The following USP43 variants were observed in gnomAD, a reference collection of about 807,000 sequenced individuals.
The protein encoded by USP43 is ubiquitin carboxyl-terminal hydrolase 43.
USP43 carries 33 observed loss-of-function variants against 90.7 expected under a neutral mutation model. The observed-to-expected ratio is 0.36, with a 90% CI of 0.28 to 0.49. USP43 has a LOEUF of 0.49. Among genes scored for constraint, USP43 ranks in the 20% least tolerant of loss-of-function variants. USP43 has a pLI of 0.98. For missense variants in USP43, 1,274 were observed against 1,476.4 expected (o/e 0.86, Z 2.25); for synonymous variants, 598 against 615.8 (o/e 0.97, Z 0.43).
At chr17:9,697,203 C>A (rs143814832) in intron 9 of USP43, among the ~76,000 whole-genome samples, 2 of 151,458 alleles carry the variant, frequency 1.3e-5, no homozygotes, top group Non-Finnish European at 2.9e-5. Flanking sequence ...GGCAACAGAG[C>A]GAGACTCTGT....
chr17:9,710,906 A>C (rs1055527817), intron 13 of USP43, among the ~76,000 whole-genome samples: 2 of 148,938 alleles, frequency 1.3e-5, no homozygotes, highest in Non-Finnish European at 3.0e-5. Flanking sequence ...AACTGTCCTT[A>C]TCTTTGGGAC....
At position 9,692,096 on chromosome 17, in the gene USP43, T is replaced by C. The variant is rs138477407; in HGVS notation, c.1354-1031T>C. On this transcript the variant is annotated intron_variant, in intron 8 of 14. Transcript: ENST00000285199. ...ATTGTAGGCTGGACGTGGTGGCTCA[T>C]GCCTGTAATCCCAGCATTTTGGGAG... Among the ~76,000 whole-genome samples the C allele has an allele frequency of 4.6e-3, 701 of 151,464 alleles. 4 individuals carry two copies. Among genetic ancestry groups the C allele is most frequent in the African/African-American group, 0.016 (663 of 41,272 alleles).
intron 13 of USP43, among the ~76,000 whole-genome samples, chr17:9,710,500 C>CTTTTTTTTT (rs753636549): frequency 1.7e-4 from 15 of 86,040 alleles, no homozygotes; most frequent in African/African-American, 2.7e-4. Context: ...GGAAAGGTAG[C>CTTTTTTTTT]TTTTTTTTTT....
chr17:9,661,253 G>A (rs1912620552), intron 2 of USP43, among the ~76,000 whole-genome samples: 1 of 152,168 alleles, frequency 6.6e-6, no homozygotes, highest in Admixed American at 6.5e-5. Flanking sequence ...ATTAAGTAGG[G>A]GATGAGGCTG....
intron 3 of USP43, among the ~76,000 whole-genome samples, chr17:9,673,568 G>A (rs1913578740): frequency 6.6e-6 from 1 of 152,170 alleles, no homozygotes; most frequent in Admixed American, 6.5e-5. Context: ...AAGTAAAGGA[G>A]TATTAAGTTT....
intron 14 of USP43, among the ~76,000 whole-genome samples, chr17:9,719,002 C>T (rs912114156): frequency 2.6e-5 from 4 of 152,210 alleles, no homozygotes; most frequent in Admixed American, 2.6e-4. Context: ...GTGGCTCATG[C>T]CTGTAATCCC....
chr17:9,664,738 C>T (rs1015922252), intron 2 of USP43, among the ~76,000 whole-genome samples: 5 of 151,318 alleles, frequency 3.3e-5, no homozygotes, highest in African/African-American at 4.9e-5. Flanking sequence ...CCCGGGGTCA[C>T]GCCATTCTCC....
rs1265656760 is a variant in USP43, at chr17:9,709,251, A to G, written c.2012-705A>G. ...TAGAAAGAGGTATGCCATAAGCCCA[A>G]TTGTGATTCTCATCTTCACTTTTAT... On this transcript the variant is annotated intron_variant, in intron 12 of 14. Coordinates refer to ENST00000285199, the MANE Select transcript of USP43 (RefSeq NM_153210.5). This position sits in a 1 kb window ranked among gnomAD's most constrained non-coding sequence, Gnocchi z 5.0. 3.3e-5 allele frequency among the ~76,000 whole-genome samples: 5 copies of G among 152,172 alleles called. No individual in the cohort carries two copies. Among genetic ancestry groups the G allele is most frequent in the African/African-American group, 1.2e-4 (5 of 41,430 alleles).
intron 9 of USP43, among the ~76,000 whole-genome samples, chr17:9,696,770 G>C (rs1262988862): frequency 6.6e-6 from 1 of 152,222 alleles, no homozygotes; most frequent in Non-Finnish European, 1.5e-5. Context: ...TTGTGAAGGT[G>C]GCCTACAAGG....
chr17:9,646,184 C>G (rs2069878282), intron 1 of USP43, 48 bp downstream of exon 1: 1 of 1,385,304 alleles, frequency 7.2e-7, no homozygotes, highest in African/African-American at 1.5e-5. Flanking sequence ...GGTTTCGCCT[C>G]TTGAAAAGTG....
rs1477787260 is a variant in USP43 at position 9,683,010 on chromosome 17, GT to G, written c.1241+53del. 2.0e-5 allele frequency: 31 copies of G among 1,587,576 alleles called. No individual in the cohort carries two copies. In the African/African-American group the frequency reaches 3.1e-4, roughly 16 times the overall value. Reference sequence around the variant, plus strand: ...TGTGGTGTCTGGGATTTGTAGACCTGTACTTGGGAGCCTGTCTAGAGTAAAA... The same window carrying G: ...TGTGGTGTCTGGGATTTGTAGACCTGACTTGGGAGCCTGTCTAGAGTAAAA... On this transcript the variant is annotated intron_variant, in intron 7 of 14. Coordinates refer to ENST00000285199, the MANE Select transcript of USP43 (RefSeq NM_153210.5).
At chr17:9,663,561 G>C (rs1912797583) in intron 2 of USP43, among the ~76,000 whole-genome samples, 1 of 152,072 alleles carries the variant, frequency 6.6e-6, no homozygotes, top group South Asian at 2.1e-4. Context: ...GCCTCCCGAA[G>C]TGCTGGAATT....
intron 14 of USP43, among the ~76,000 whole-genome samples, chr17:9,715,554 G>T (rs1314545577): frequency 8.1e-6 from 1 of 123,772 alleles, no homozygotes; most frequent in Non-Finnish European, 1.6e-5. Flanking sequence ...CTGTGTCTTT[G>T]TGTGTGTGTG....
chr17:9,673,908 C>T (rs1292813636), intron 3 of USP43, among the ~76,000 whole-genome samples: 1 of 152,106 alleles, frequency 6.6e-6, no homozygotes, highest in African/African-American at 2.4e-5. Flanking sequence ...CTTATGGTTT[C>T]TTCTTCTGTA....
rs755107578 is a variant in USP43 at position 9,645,902 on chromosome 17, C to T, written c.270C>T (p.Pro90=). The change falls in exon 1 of 15, where the codon CCC becomes CCT. Residue 90 remains proline, a synonymous_variant. Transcript: ENST00000285199. The surrounding 1 kb of genome is among the most constrained non-coding windows in gnomAD (Gnocchi z 6.8). The part of the protein sequence containing the change: ...PPGPQPQLQL[P]AGDGARPPGA... ...GACCCCAGCCCCAGCTCCAGCTCCC[C>T]GCCGGCGATGGGGCGCGGCCGCCGG... 1 of 1,467,202 alleles carries T rather than the reference C, an allele frequency of 6.8e-7. No homozygotes were observed. 90.9% of individuals were successfully genotyped at this position (1,467,202 alleles called of 1,614,324 possible). A position where few individuals can be genotyped will look rare whatever the true frequency, so the allele number is the denominator to read the frequency against.
chr17:9,656,154 A>C (rs1338975968), intron 1 of USP43, among the ~76,000 whole-genome samples: 1 of 152,156 alleles, frequency 6.6e-6, no homozygotes, highest in Admixed American at 6.5e-5. Flanking sequence ...AAATGATAGG[A>C]TACACATCAG....
At chr17:9,705,026 A>G (rs1406798467) in intron 12 of USP43, among the ~76,000 whole-genome samples, 1 of 152,082 alleles carries the variant, frequency 6.6e-6, no homozygotes, top group Non-Finnish European at 1.5e-5. Context: ...TAGGTAATGC[A>G]TGCCTATATT....
chr17:9,647,942 A>G (rs2151959204), intron 1 of USP43, among the ~76,000 whole-genome samples: 1 of 152,030 alleles, frequency 6.6e-6, no homozygotes, highest in East Asian at 1.9e-4. Flanking sequence ...AATGGCGTGA[A>G]CCTGGGAGGC....
rs754239399 is a variant in USP43 at position 9,682,921 on chromosome 17, T to C, written c.1204T>C (p.Phe402Leu). 7 of 1,613,958 alleles carry C rather than the reference T, an allele frequency of 4.3e-6. No homozygotes were observed. Among genetic ancestry groups the C allele is most frequent in the Non-Finnish European group, 4.2e-6 (5 of 1,179,842 alleles). Residue 402 changes from phenylalanine (F) to leucine (L), a missense_variant, in exon 7 of 15, where the codon TTC becomes CTC. By Grantham distance (22) the Phe-to-Leu change is conservative. Transcript: ENST00000285199. ...CAGTGAGAGCAAGGTGCTAATCCTC[T>C]TCTGTAACTTGGTGGGGTCAGGGCA... ...LHSESKVLIL[F>L]CNLVGSGQQA...
Sources: gnomAD v4.1 joint callset for allele counts (sites outside exome capture counted in the v4.1 genomes callset) on GRCh38, gnomAD v4.1.1 for gene constraint, Gnocchi (gnomAD v3.1) non-coding constraint, MANE v1.5 for transcripts, NCBI Gene and HGNC (gene_info 2026-07-23, HGNC 2026-07-21) for gene names.